SASH1: variants seen among roughly 807,000 people sequenced by gnomAD.
SASH1 encodes the protein SAM and SH3 domain containing 1.
Under a neutral mutation model 125.2 loss-of-function variants are expected in SASH1, and 44 were observed. That is an observed-to-expected ratio of 0.35 (90% confidence interval 0.28 to 0.45). The LOEUF (loss-of-function observed/expected upper bound fraction) is 0.45, where lower values mean the gene tolerates loss of function less well. Ranked by LOEUF, SASH1 falls within the 20% of genes least tolerant of loss-of-function variation. The pLI is 1.00. For missense variants in SASH1, 1,426 were observed against 1,614.5 expected (o/e 0.88, Z 2.00); for synonymous variants, 639 against 649.1 (o/e 0.98, Z 0.24).
chr6:148,288,109 G>A (rs948367958), intron 1 of SASH1, among the ~76,000 whole-genome samples: 1 of 152,230 alleles, frequency 6.6e-6, no homozygotes, highest in Non-Finnish European at 1.5e-5. Context: ...AGCTATGGCT[G>A]TCGGCTTTTG....
chr6:148,299,558 T>C (rs1779877368), intron 1 of SASH1, among the ~76,000 whole-genome samples: 1 of 150,972 alleles, frequency 6.6e-6, no homozygotes, highest in Non-Finnish European at 1.5e-5. Context: ...TCCCAGCTAC[T>C]CGGGGGGCTC....
chr6:148,307,060 C>CTT (rs1274469470), intron 1 of SASH1, among the ~76,000 whole-genome samples: 7 of 145,886 alleles, frequency 4.8e-5, no homozygotes, highest in Non-Finnish European at 6.0e-5. Context: ...TTCTTTCTTT[C>CTT]TTTCTTTCTT....
chr6:148,283,123 C>T (rs1013410170), intron 1 of SASH1, among the ~76,000 whole-genome samples: 3 of 152,220 alleles, frequency 2.0e-5, no homozygotes, highest in African/African-American at 4.8e-5. Flanking sequence ...TTTACTTCTT[C>T]CTTCTTGGGA....
At chr6:148,302,955 TA>T (rs1562314651) in intron 1 of SASH1, among the ~76,000 whole-genome samples, 1 of 151,948 alleles carries the variant, frequency 6.6e-6, no homozygotes, top group Non-Finnish European at 1.5e-5. Flanking sequence ...GGCACCTCTG[TA>T]CTTTAAAATT....
At chr6:148,299,513 A>G (rs1050197802) in intron 1 of SASH1, among the ~76,000 whole-genome samples, 1 of 152,006 alleles carries the variant, frequency 6.6e-6, no homozygotes, top group Non-Finnish European at 1.5e-5. Context: ...CTAAAGACAC[A>G]AAAATTAGCC....
intron 8 of SASH1, among the ~76,000 whole-genome samples, chr6:148,510,885 A>G (rs1404655683): frequency 6.6e-6 from 1 of 151,508 alleles, no homozygotes; most frequent in Non-Finnish European, 1.5e-5. Context: ...AATCCCAGCT[A>G]CTCGGGAGGC....
intron 1 of SASH1, among the ~76,000 whole-genome samples, chr6:148,382,290 G>A (rs545924423): frequency 6.6e-6 from 1 of 152,156 alleles, no homozygotes; most frequent in African/African-American, 2.4e-5. Flanking sequence ...GGCCATGTGT[G>A]CAGGTCCATT....
chr6:148,542,868 G>A (rs1325412538), intron 17 of SASH1, among the ~76,000 whole-genome samples: 3 of 151,510 alleles, frequency 2.0e-5, no homozygotes, highest in East Asian at 1.9e-4. Flanking sequence ...GTGTGTGTGT[G>A]TGTGTGTGTG....
chr6:148,345,965 A>C (rs976282833), intron 1 of SASH1, among the ~76,000 whole-genome samples: 4 of 152,216 alleles, frequency 2.6e-5, no homozygotes, highest in African/African-American at 7.2e-5. Context: ...CTTTTTCCGT[A>C]CTGAACTTGA....
intron 1 of SASH1, among the ~76,000 whole-genome samples, chr6:148,285,615 G>A (rs532873251): frequency 1.7e-4 from 26 of 152,148 alleles, no homozygotes; most frequent in Middle Eastern, 3.4e-3. Context: ...TTCTAAAACA[G>A]ACATTGATCA....
chr6:148,341,378 G>C (rs1582987797), upstream of SASH1, among the ~76,000 whole-genome samples: 1 of 104,548 alleles, frequency 9.6e-6, no homozygotes, highest in African/African-American at 3.8e-5. Context: ...TTGCTGTGTT[G>C]ACCAGGCTGT....
chr6:148,299,340 T>C (rs1228772258), intron 1 of SASH1, among the ~76,000 whole-genome samples: 2 of 152,004 alleles, frequency 1.3e-5, no homozygotes, highest in African/African-American at 4.8e-5. Context: ...TAGCATTTAT[T>C]GGTGCTACAA....
At chr6:148,306,645 C>A (rs1012411461) in intron 1 of SASH1, among the ~76,000 whole-genome samples, 19 of 152,280 alleles carry the variant, frequency 1.2e-4, no homozygotes, top group African/African-American at 3.6e-4. Flanking sequence ...CAGTCTTTCC[C>A]TCCTATTCGC....
At chr6:148,221,010 C>T in the SASH1 span, among the ~76,000 whole-genome samples, 1 of 152,214 alleles carries the variant, frequency 6.6e-6, no homozygotes. Context: ...TTTCCCTCCA[C>T]TTATGTAAAT....
chr6:148,252,519 C>A, the SASH1 span, among the ~76,000 whole-genome samples: 1 of 150,668 alleles, frequency 6.6e-6, no homozygotes, highest in African/African-American at 2.5e-5. Context: ...CGCTTTGTCG[C>A]CCAGGCTGGA....
chr6:148,475,540 C>T (rs923212571), intron 7 of SASH1, among the ~76,000 whole-genome samples: 6 of 152,206 alleles, frequency 3.9e-5, no homozygotes, highest in Non-Finnish European at 1.5e-5. Flanking sequence ...GCTACCCTAT[C>T]ACCTCCCAAA....
Position 148,487,698 on chromosome 6 carries a change from G to GA in SASH1, c.712_713insA (p.Gly238GlufsTer13). The GA allele has an allele frequency of 6.2e-7, 1 of 1,612,404 alleles. No individual in the cohort carries two copies. Among genetic ancestry groups the GA allele is most frequent in the Non-Finnish European group, 8.5e-7 (1 of 1,178,768 alleles). On this transcript the variant is annotated frameshift_variant, in exon 8 of 20. Transcript: ENST00000367467. LOFTEE classifies it high-confidence loss of function. ...AGATGGTTCTTACCCAACGTTTGAT[G>GA]GCTCATCAAACTGCAATGTGAGTTT...
intron 2 of SASH1, among the ~76,000 whole-genome samples, chr6:148,411,166 CAAAAAAAAAAAAAAAAAAAA>C (rs56342457): frequency 6.5e-5 from 3 of 46,174 alleles, no homozygotes; most frequent in Admixed American, 3.5e-4. Context: ...ACTCCATCTC[CAAAAAAAAAAAAAAAAAAAA>C]AAAAAAAAAA....
chr6:148,339,524 A>G (rs1781263009), upstream of SASH1, among the ~76,000 whole-genome samples: 1 of 150,906 alleles, frequency 6.6e-6, no homozygotes, highest in African/African-American at 2.4e-5. Flanking sequence ...ATATAGATAT[A>G]TAATTATAAA....
Sources: gnomAD v4.1 joint callset for allele counts (sites outside exome capture counted in the v4.1 genomes callset) on GRCh38, gnomAD v4.1.1 for gene constraint, MANE v1.5 for transcripts, NCBI Gene and HGNC (gene_info 2026-07-23, HGNC 2026-07-21) for gene names.